Variants in ARHGAP30 observed in about 807,000 individuals in gnomAD.
The protein encoded by ARHGAP30 is Rho GTPase activating protein 30.
In ARHGAP30, 23 loss-of-function variants were observed where a neutral mutation model predicts 72.0. The ratio of observed to expected loss-of-function variants is 0.32; its 90% CI spans 0.23 to 0.45. The LOEUF (loss-of-function observed/expected upper bound fraction) is 0.45. ARHGAP30 is among the 20% of genes least tolerant of loss of function. The pLI is 1.00. For synonymous variants in ARHGAP30, 576 were observed against 528.2 expected (o/e 1.09, Z -1.24); for missense variants, 1,319 against 1,383.4 (o/e 0.95, Z 0.74).
At chr1:161,064,808 A>G (rs907833018) in intron 1 of ARHGAP30, among the ~76,000 whole-genome samples, 3 of 72,940 alleles carry the variant, frequency 4.1e-5, no homozygotes, top group Admixed American at 3.7e-4. Context: ...AGAAAGAAAG[A>G]AAGAAAGAAA....
At position 161,069,325 on chromosome 1, in the gene ARHGAP30, A is replaced by G. The variant is rs1200790874; in HGVS notation, c.97+203T>C. On this transcript the variant is annotated intron_variant, in intron 1 of 11. Coordinates refer to ENST00000368013, the MANE Select transcript of ARHGAP30 (RefSeq NM_001025598.2). This position sits in a 1 kb window ranked among gnomAD's most constrained non-coding sequence, Gnocchi z 4.9. ...CCCCTCAGCCACCCCATCCCCAGAA[A>G]GTTACACAAGGGAGCCGCCCTGCCT... Among the ~76,000 whole-genome samples the G allele has an allele frequency of 6.6e-6, 1 of 152,006 alleles. No homozygotes were observed. Among genetic ancestry groups the G allele is most frequent in the Non-Finnish European group, 1.5e-5 (1 of 67,990 alleles).
rs1651402564 is a variant in ARHGAP30 at position 161,051,888 on chromosome 1, C to T, written c.1019-173G>A. On this transcript the variant is annotated intron_variant, in intron 9 of 11. Transcript: ENST00000368013. ...CACTACTGCAAACTTTTCACCCAGCCAGTAGGTCAAAGATCACCTCACCTT... is the reference window on the plus strand; with the variant it reads ...CACTACTGCAAACTTTTCACCCAGCTAGTAGGTCAAAGATCACCTCACCTT... Among the ~76,000 whole-genome samples, 3 of 152,090 alleles carry T rather than the reference C, an allele frequency of 2.0e-5. No homozygotes were observed. The South Asian group carries it at 6.2e-4, about 32-fold the overall frequency.
chr1:161,068,383 AGGGCAATG>A (rs1414544074), intron 1 of ARHGAP30, among the ~76,000 whole-genome samples: 1 of 152,086 alleles, frequency 6.6e-6, no homozygotes, highest in Non-Finnish European at 1.5e-5. Context: ...CCCTTAACCA[AGGGCAATG>A]GGGATAGGGG....
In ARHGAP30 at chr1:161,053,462, TTCTCTCTCTCTCTCTCTCTC is replaced by T. The variant is rs57196073; in HGVS notation, c.537-97_537-78del. 519 of 692,976 alleles carry T rather than the reference TTCTCTCTCTCTCTCTCTCTC, an allele frequency of 7.5e-4. 3 individuals carry two copies. In the South Asian group the frequency reaches 8.1e-3, roughly 11 times the overall value. The allele number at this position is 692,976 out of a possible 1,614,324, so 42.9% of individuals were successfully genotyped here. On this transcript the variant is annotated intron_variant, in intron 5 of 11. Transcript: ENST00000368013. ...CCAGATTCTCCCTGAAAATACCTTA[TTCTCTCTCTCTCTCTCTCTC>T]TCTCTCTCTCTCTCTCTCTCTCTCG... is the stretch of plus-strand genomic sequence containing the variant.
At position 161,047,861 on chromosome 1, in the gene ARHGAP30, A is replaced by T. The variant is rs773550831; in HGVS notation, c.3160T>A (p.Ser1054Thr). The T allele has an allele frequency of 6.2e-7, 1 of 1,611,638 alleles. No homozygotes were observed. The highest frequency in any genetic ancestry group is 1.3e-5 in the African/African-American group (1 of 74,912). ...GATCCAGACCCTTCTGCACCTTCAG[A>T]TGGGAGCTCCAGGCAGCTAAGGGGC... ...PRPLSCLELPSEGAEGSGSRS... is the reference protein window; with the variant it reads ...PRPLSCLELPTEGAEGSGSRS... The change falls in exon 12 of 12, where the codon TCT becomes ACT. Residue 1054 changes from serine to threonine, a missense_variant. By Grantham distance (58) the Ser-to-Thr change is moderately conservative. This residue lies in a region of ARHGAP30 where 1,097 missense variants were observed against 1,045.2 expected (regional missense o/e 1.05). Transcript: ENST00000368013.
chr1:161,062,821 CT>C (rs1007788239), intron 1 of ARHGAP30, among the ~76,000 whole-genome samples: 19 of 148,446 alleles, frequency 1.3e-4, no homozygotes, highest in African/African-American at 3.9e-4. Flanking sequence ...AGTCTTTGTT[CT>C]TTTTTTTTTG....
intron 3 of ARHGAP30, among the ~76,000 whole-genome samples, chr1:161,055,867 AAAT>A (rs1384961413): frequency 1.1e-3 from 22 of 20,314 alleles, no homozygotes; most frequent in African/African-American, 3.0e-3. Flanking sequence ...AAATAAAATA[AAAT>A]AAAATAAAAT....
rs112388093 is a variant in ARHGAP30, at chr1:161,047,971, C to T, written c.3050G>A (p.Arg1017Gln). 0.025 allele frequency: 40,561 copies of T among 1,614,064 alleles called. 589 individuals carry two copies. Among genetic ancestry groups the T allele is most frequent in the Non-Finnish European group, 0.029 (34,293 of 1,179,992 alleles). ...RQRTEAQGVR[R>Q]TQTCTEGGDY... Reference sequence around the variant, plus strand: ...CCCACCCTCAGTACAGGTCTGGGTTCGCCGAACTCCTTGAGCCTCAGTCCT... The same window carrying T: ...CCCACCCTCAGTACAGGTCTGGGTTTGCCGAACTCCTTGAGCCTCAGTCCT... The change falls in exon 12 of 12, where the codon CGA becomes CAA. Residue 1017 changes from arginine (R) to glutamine (Q), a missense_variant. Around this residue, in one of 2 missense-constraint regions of ARHGAP30, gnomAD observed 1,097 missense variants for 1,045.2 expected, o/e 1.05. Coordinates refer to ENST00000368013, the MANE Select transcript of ARHGAP30 (RefSeq NM_001025598.2).
intron 1 of ARHGAP30, among the ~76,000 whole-genome samples, chr1:161,061,690 G>A (rs1652322553): frequency 6.6e-6 from 1 of 152,116 alleles, no homozygotes; most frequent in South Asian, 2.1e-4. Flanking sequence ...CCAACCCTAG[G>A]CCCCCTCCTG....
Position 161,051,439 on chromosome 1 carries a change from G to T in ARHGAP30, c.1295C>A (p.Pro432Gln), listed in dbSNP as rs756831786. ...CAAGGAAACGTTAGAGATGATGTTC[G>T]GGGGCACACTGAGGATAGAGGTGAT... is the stretch of plus-strand genomic sequence containing the variant. ...LHITSILSVP[P>Q]NIISNVSLAR... The change falls in exon 10 of 12, where the codon CCG becomes CAG. Residue 432 changes from proline to glutamine, a missense_variant. Pro to Gln is a moderately conservative substitution (Grantham distance 76). Around this residue, in one of 2 missense-constraint regions of ARHGAP30, gnomAD observed 1,097 missense variants for 1,045.2 expected, o/e 1.05. Transcript: ENST00000368013. The T allele has an allele frequency of 2.5e-6, 4 of 1,614,124 alleles. No individual in the cohort carries two copies. The highest frequency in any genetic ancestry group is 1.3e-5 in the African/African-American group (1 of 74,954).
At chr1:161,064,121 C>T (rs1053417011) in intron 1 of ARHGAP30, among the ~76,000 whole-genome samples, 12 of 152,224 alleles carry the variant, frequency 7.9e-5, no homozygotes, top group African/African-American at 2.7e-4. Context: ...TGTATACTCC[C>T]TCCCCTTTTG....
At chr1:161,062,042 T>TG (rs1466521024) in intron 1 of ARHGAP30, among the ~76,000 whole-genome samples, 1 of 152,082 alleles carries the variant, frequency 6.6e-6, no homozygotes, top group Non-Finnish European at 1.5e-5. Flanking sequence ...GAGCCAAGAC[T>TG]GTGCCACTGT....
At chr1:161,058,785 C>A (rs1388514082) in intron 2 of ARHGAP30, among the ~76,000 whole-genome samples, 2 of 148,770 alleles carry the variant, frequency 1.3e-5, no homozygotes, top group Non-Finnish European at 3.0e-5. Context: ...CACTTGAACC[C>A]AGGAGGCAGA....
chr1:161,055,032 A>C (rs12748157), intron 3 of ARHGAP30, among the ~76,000 whole-genome samples: 74,864 of 152,018 alleles, frequency 0.49, 20,136 homozygotes, highest in Non-Finnish European at 0.61. Flanking sequence ...GAGTTATTTC[A>C]GTGTGTCCAG....
chr1:161,047,958 A>T lies in ARHGAP30; in HGVS notation c.3063T>A (p.Cys1021Ter). The T allele has an allele frequency of 1.2e-6, 2 of 1,614,074 alleles. No homozygotes were observed. Among genetic ancestry groups the T allele is most frequent in the Non-Finnish European group, 1.7e-6 (2 of 1,180,002 alleles). Residue 1021 changes from cysteine (C) to a stop codon, truncating the protein, a stop_gained, in exon 12 of 12, where the codon TGT (cysteine) becomes TGA (stop). Transcript: ENST00000368013. LOFTEE classifies it high-confidence loss of function. The part of the protein sequence containing the change: ...EAQGVRRTQT[C>*]TEGGDYCLIP... ...TGAGGCAGTAATCCCCACCCTCAGTACAGGTCTGGGTTCGCCGAACTCCTT... is the reference window on the plus strand; with the variant it reads ...TGAGGCAGTAATCCCCACCCTCAGTTCAGGTCTGGGTTCGCCGAACTCCTT...
In ARHGAP30 at chr1:161,051,372, G is replaced by A; in HGVS notation, c.1362C>T (p.His454=). 1 of 1,613,496 alleles carries A rather than the reference G, an allele frequency of 6.2e-7. No homozygotes were observed. The highest frequency in any genetic ancestry group is 8.5e-7 in the Non-Finnish European group (1 of 1,179,830). ...CAGGGCCAGAGGCAGGGCTTGGCCG[G>A]TGCTGTAGAGCAGGGCACTCAAGGC... ...TRGLECPALQ[H]RPSPASGPGP... is the part of the protein sequence containing the mutation. The change falls in exon 10 of 12, where the codon CAC becomes CAT. Residue 454 remains histidine, a synonymous_variant. Coordinates refer to ENST00000368013, the MANE Select transcript of ARHGAP30 (RefSeq NM_001025598.2).
At position 161,051,331 on chromosome 1, in the gene ARHGAP30, A is replaced by AGGACAG. The variant is rs1651345575; in HGVS notation, c.1402_1403insCTGTCC (p.Gly467_Leu468insProVal). On this transcript the variant is annotated inframe_insertion, in exon 10 of 12. Transcript: ENST00000368013. ...GTCCTCACCTGGGGGGCCAGGGCCA[A>AGGACAG]GGCCAGGGCCAGGGCCAGGGCCAGA... 1 of 1,603,130 alleles carries AGGACAG rather than the reference A, an allele frequency of 6.2e-7. No homozygotes were observed. The highest frequency in any genetic ancestry group is 1.3e-5 in the African/African-American group (1 of 74,786).
chr1:161,067,784 C>T (rs557588235), intron 1 of ARHGAP30, among the ~76,000 whole-genome samples: 15 of 152,202 alleles, frequency 9.9e-5, no homozygotes, highest in African/African-American at 3.6e-4. Flanking sequence ...TCTCTGCTCT[C>T]ATTTTTTTGT....
intron 1 of ARHGAP30, among the ~76,000 whole-genome samples, chr1:161,063,803 C>G (rs1325396128): frequency 1.4e-5 from 2 of 145,298 alleles, no homozygotes; most frequent in Admixed American, 6.9e-5. Context: ...TCTCTGAACG[C>G]CCCCCCCACC....
Sources: gnomAD v4.1 joint callset for allele counts (sites outside exome capture counted in the v4.1 genomes callset) on GRCh38, gnomAD v4.1.1 for gene constraint, gnomAD v4.1.1 regional missense constraint, Gnocchi (gnomAD v3.1) non-coding constraint, MANE v1.5 for transcripts, NCBI Gene and HGNC (gene_info 2026-07-23, HGNC 2026-07-21) for gene names.